TNFSF4: variants seen among roughly 807,000 people sequenced by gnomAD.
The protein encoded by TNFSF4 is TNF superfamily member 4.
Under a neutral mutation model 7.3 loss-of-function variants are expected in TNFSF4, and 4 were observed. The ratio of observed to expected loss-of-function variants is 0.55; its 90% confidence interval spans 0.27 to 1.25. The LOEUF (loss-of-function observed/expected upper bound fraction) is 1.25. TNFSF4 is among the 50% of genes most tolerant of loss of function. The pLI, the probability that TNFSF4 is intolerant of heterozygous loss-of-function variation, is 0.12. For missense variants in TNFSF4, 181 were observed against 208.8 expected, an observed-to-expected ratio of 0.87 and a Z score of 0.82; for synonymous variants, 76 against 83.7, an observed-to-expected ratio of 0.91 and a Z score of 0.50.
the TNFSF4 span, among the ~76,000 whole-genome samples, chr1:173,394,236 A>C: frequency 6.6e-6 from 1 of 151,744 alleles, no homozygotes. Context: ...AAAAAAAAAA[A>C]AACTAACATC....
chr1:173,344,785 T>A, the TNFSF4 span, among the ~76,000 whole-genome samples: 2 of 152,212 alleles, frequency 1.3e-5, no homozygotes, highest in Non-Finnish European at 2.9e-5. Flanking sequence ...CCAAATTACT[T>A]TTTATATTCA....
chr1:173,428,738 C>T, the TNFSF4 span, among the ~76,000 whole-genome samples: 5 of 152,312 alleles, frequency 3.3e-5, no homozygotes, highest in South Asian at 4.1e-4. Context: ...GGAGCAGTGG[C>T]TCATGCCTGT....
the TNFSF4 span, among the ~76,000 whole-genome samples, chr1:173,296,729 GCTT>G: frequency 3.3e-5 from 5 of 152,042 alleles, no homozygotes; most frequent in East Asian, 1.9e-4. Flanking sequence ...AATAGGGCAT[GCTT>G]CTTCTGACTA....
chr1:173,416,563 C>T, the TNFSF4 span, among the ~76,000 whole-genome samples: 2 of 149,612 alleles, frequency 1.3e-5, no homozygotes, highest in African/African-American at 4.9e-5. Context: ...CTGGCCAAAA[C>T]ATTGCTTCCT....
At chr1:173,317,427 C>T in the TNFSF4 span, among the ~76,000 whole-genome samples, 8 of 152,188 alleles carry the variant, frequency 5.3e-5, no homozygotes, top group Admixed American at 5.2e-4. Flanking sequence ...GGTGTTGGTG[C>T]TAGGATTAAC....
At chr1:173,227,632 G>GC in the TNFSF4 span, among the ~76,000 whole-genome samples, 7 of 152,330 alleles carry the variant, frequency 4.6e-5, no homozygotes, top group South Asian at 1.4e-3. Context: ...CCAAAGCAGG[G>GC]CGAGGCATCG....
chr1:173,372,811 C>G, the TNFSF4 span, among the ~76,000 whole-genome samples: 1 of 152,214 alleles, frequency 6.6e-6, no homozygotes, highest in African/African-American at 2.4e-5. Flanking sequence ...GATGGGGAAC[C>G]AATCAAGCAT....
chr1:173,277,214 T>C, the TNFSF4 span, among the ~76,000 whole-genome samples: 1 of 152,102 alleles, frequency 6.6e-6, no homozygotes, highest in Admixed American at 6.6e-5. Context: ...GTGAAGACCA[T>C]GGGAAAATGT....
chr1:173,178,679 T>C, the TNFSF4 span, among the ~76,000 whole-genome samples: 1 of 152,268 alleles, frequency 6.6e-6, no homozygotes, highest in Non-Finnish European at 1.5e-5. Context: ...AAATATGTTA[T>C]TCTGTTTCCT....
the TNFSF4 span, among the ~76,000 whole-genome samples, chr1:173,308,285 C>CTCTCTGTGTGTGTGTG: frequency 6.7e-5 from 9 of 135,124 alleles, no homozygotes; most frequent in African/African-American, 2.0e-4. Flanking sequence ...CTCTCTCTCT[C>CTCTCTGTGTGTGTGTG]TGTGTGTGTG....
chr1:173,399,274 C>G, the TNFSF4 span, among the ~76,000 whole-genome samples: 5 of 152,194 alleles, frequency 3.3e-5, no homozygotes, highest in African/African-American at 4.8e-5. Flanking sequence ...TCTCTAAGAA[C>G]AGCTGACAGA....
At chr1:173,240,241 A>G in the TNFSF4 span, among the ~76,000 whole-genome samples, 15 of 152,200 alleles carry the variant, frequency 9.9e-5, 1 homozygote, top group Admixed American at 9.8e-4. Context: ...CACTATCATT[A>G]TCAGTCAAGG....
At chr1:173,430,722 A>G in the TNFSF4 span, among the ~76,000 whole-genome samples, 2 of 152,224 alleles carry the variant, frequency 1.3e-5, no homozygotes, top group African/African-American at 4.8e-5. Flanking sequence ...AAATAATTGT[A>G]TTAGGTGACA....
At position 173,184,708 on chromosome 1, in the gene TNFSF4, C is replaced by T. The variant is rs1267155208; in HGVS notation, c.*1808G>A. 1 of 152,104 alleles carries T rather than the reference C, an allele frequency of 6.6e-6. No individual in the cohort carries two copies. The highest frequency in any genetic ancestry group is 1.5e-5 in the Non-Finnish European group (1 of 68,006). The allele number at this position is 152,104 out of a possible 1,614,324, so 9.4% of individuals were successfully genotyped here. On this transcript the variant is annotated 3_prime_UTR_variant, in exon 3 of 3. Transcript: ENST00000281834. ...TCAATAACAAAAAGTGAAATACACACACACACACACACACAAACACACACA... is the reference window on the plus strand; with the variant it reads ...TCAATAACAAAAAGTGAAATACACATACACACACACACACAAACACACACA...
chr1:173,420,967 A>C, the TNFSF4 span, among the ~76,000 whole-genome samples: 1 of 152,176 alleles, frequency 6.6e-6, no homozygotes, highest in African/African-American at 2.4e-5. Flanking sequence ...TTTGTTTTTT[A>C]CTATGCACCA....
chr1:173,295,714 C>A, the TNFSF4 span, among the ~76,000 whole-genome samples: 1 of 151,982 alleles, frequency 6.6e-6, no homozygotes, highest in Admixed American at 6.6e-5. Context: ...TCATCTTCAA[C>A]GTCATCTTAT....
chr1:173,395,563 C>G, the TNFSF4 span, among the ~76,000 whole-genome samples: 1 of 151,242 alleles, frequency 6.6e-6, no homozygotes, highest in African/African-American at 2.4e-5. Flanking sequence ...GCATAAATGA[C>G]TTAAAGGCTT....
At chr1:173,291,500 T>C in the TNFSF4 span, among the ~76,000 whole-genome samples, 2 of 152,110 alleles carry the variant, frequency 1.3e-5, no homozygotes, top group African/African-American at 4.8e-5. Flanking sequence ...AGTTAAAGCA[T>C]GTTAAGAGGA....
At chr1:173,208,114 C>T (rs1438087745), upstream of TNFSF4, among the ~76,000 whole-genome samples, 3 of 152,138 alleles carry the variant, frequency 2.0e-5, no homozygotes, top group African/African-American at 7.2e-5. Context: ...GGCCTCAGAA[C>T]TTGGAAAGTA....
Sources: gnomAD v4.1 joint callset for allele counts (sites outside exome capture counted in the v4.1 genomes callset) on GRCh38, gnomAD v4.1.1 for gene constraint, MANE v1.5 for transcripts, NCBI Gene and HGNC (gene_info 2026-07-23, HGNC 2026-07-21) for gene names.